TIAM1: variants seen among roughly 807,000 people sequenced by gnomAD.
The protein encoded by TIAM1 is rho guanine nucleotide exchange factor TIAM1.
A neutral mutation model predicts 163.5 loss-of-function variants in TIAM1; 65 were observed. That is an observed-to-expected ratio of 0.40 (90% CI 0.33 to 0.49). TIAM1 has a LOEUF of 0.49. TIAM1 is among the 20% of genes least tolerant of loss of function. The probability of loss-of-function intolerance (pLI) is 0.77; values close to 1 mark genes in which losing one functional copy is unlikely to be tolerated. For synonymous variants in TIAM1, 833 were observed against 810.1 expected (o/e 1.03, Z -0.48); for missense variants, 1,789 against 2,044.7 (o/e 0.87, Z 2.41).
At chr21:31,226,603 G>A (rs1010237041) in intron 6 of TIAM1, among the ~76,000 whole-genome samples, 16 of 152,180 alleles carry the variant, frequency 1.1e-4, no homozygotes, top group Non-Finnish European at 2.1e-4. Context: ...ATGGTGACCT[G>A]CATGGGATTG....
At chr21:31,501,601 T>A (rs1255977156) in intron 1 of TIAM1, among the ~76,000 whole-genome samples, 1 of 152,050 alleles carries the variant, frequency 6.6e-6, no homozygotes, top group African/African-American at 2.4e-5. Flanking sequence ...TTTGTTTGTT[T>A]GTTTGTTTGT....
intron 1 of TIAM1, among the ~76,000 whole-genome samples, chr21:31,526,865 CTCATTTTGG>C (rs1465187355): frequency 6.6e-6 from 1 of 152,092 alleles, no homozygotes; most frequent in East Asian, 1.9e-4. Context: ...CCATGCCAAG[CTCATTTTGG>C]TATTTTTAGT....
chr21:31,302,935 G>T (rs778333609), intron 2 of TIAM1, among the ~76,000 whole-genome samples: 17 of 152,180 alleles, frequency 1.1e-4, no homozygotes, highest in Non-Finnish European at 2.4e-4. Context: ...TAGTAAGGCA[G>T]ACTAGCAAAG....
At position 31,184,377 on chromosome 21, in the gene TIAM1, A is replaced by C. The variant is rs60364836; in HGVS notation, c.2663-1732T>G. On this transcript the variant is annotated intron_variant, in intron 14 of 27. Transcript: ENST00000541036. ...CACCTTGGCCTCCCAAAGTGCTGGG[A>C]TTACAGGTGTGAGCCACCGTGCCCG... Among the ~76,000 whole-genome samples the C allele has an allele frequency of 2.0e-3, 311 of 152,294 alleles. 3 individuals carry two copies. The highest frequency in any genetic ancestry group is 6.9e-3 in the African/African-American group (286 of 41,558).
chr21:31,268,449 C>T (rs1400670336), intron 3 of TIAM1, among the ~76,000 whole-genome samples: 1 of 152,228 alleles, frequency 6.6e-6, no homozygotes, highest in African/African-American at 2.4e-5. Flanking sequence ...GTTGCTGAAA[C>T]TCTCACCAGC....
intron 11 of TIAM1, among the ~76,000 whole-genome samples, chr21:31,204,511 C>A (rs975883282): frequency 6.6e-6 from 1 of 152,174 alleles, no homozygotes; most frequent in African/African-American, 2.4e-5. Flanking sequence ...TTTCTACTTA[C>A]CCCACCCTCA....
chr21:31,121,147 C>A (rs2081986437), intron 27 of TIAM1, among the ~76,000 whole-genome samples: 1 of 152,102 alleles, frequency 6.6e-6, no homozygotes, highest in East Asian at 1.9e-4. Flanking sequence ...ACTGTTCTAG[C>A]CTGTGCACCT....
At chr21:31,427,588 C>T (rs1368478021) in intron 2 of TIAM1, among the ~76,000 whole-genome samples, 1 of 151,706 alleles carries the variant, frequency 6.6e-6, no homozygotes, top group Non-Finnish European at 1.5e-5. Flanking sequence ...GCCTATAAGC[C>T]CAGTATTTTA....
intron 15 of TIAM1, among the ~76,000 whole-genome samples, chr21:31,169,430 T>C (rs1208592580): frequency 6.6e-6 from 1 of 152,096 alleles, no homozygotes; most frequent in Non-Finnish European, 1.5e-5. Flanking sequence ...AGATGTAAAT[T>C]GACGAAATGA....
chr21:31,262,906 A>C (rs955628589), intron 4 of TIAM1, among the ~76,000 whole-genome samples: 1 of 151,994 alleles, frequency 6.6e-6, no homozygotes, highest in Non-Finnish European at 1.5e-5. Flanking sequence ...AGCTCACTGG[A>C]GAGGTCCCCT....
At chr21:31,522,840 A>AT (rs965255966) in intron 1 of TIAM1, among the ~76,000 whole-genome samples, 2 of 152,136 alleles carry the variant, frequency 1.3e-5, no homozygotes, top group Admixed American at 6.5e-5. Flanking sequence ...TTAAAACAAC[A>AT]TTTTTTTCTC....
intron 2 of TIAM1, among the ~76,000 whole-genome samples, chr21:31,415,858 T>G (rs1226920195): frequency 1.3e-5 from 2 of 152,154 alleles, no homozygotes; most frequent in Non-Finnish European, 2.9e-5. Context: ...GTCTCCTCCA[T>G]GTCTCTGTCT....
At chr21:31,429,442 G>A (rs968693331) in intron 2 of TIAM1, among the ~76,000 whole-genome samples, 3 of 150,790 alleles carry the variant, frequency 2.0e-5, no homozygotes, top group Non-Finnish European at 2.9e-5. Context: ...CGTTGCACAT[G>A]GAAAAAAAAG....
chr21:31,261,688 G>A (rs541781864), intron 4 of TIAM1, among the ~76,000 whole-genome samples: 63 of 151,354 alleles, frequency 4.2e-4, no homozygotes, highest in African/African-American at 1.4e-3. Context: ...ACTCCATCCT[G>A]GGCAACAGAG....
At chr21:31,132,592 C>G (rs2082454877) in intron 23 of TIAM1, among the ~76,000 whole-genome samples, 1 of 152,232 alleles carries the variant, frequency 6.6e-6, no homozygotes, top group African/African-American at 2.4e-5. Flanking sequence ...CACCATGCCA[C>G]TGGGACCACA....
chr21:31,494,635 G>A (rs2147430013), intron 1 of TIAM1, among the ~76,000 whole-genome samples: 1 of 152,304 alleles, frequency 6.6e-6, no homozygotes, highest in South Asian at 2.1e-4. Context: ...ACACGGTCAA[G>A]AGATGGAGAC....
chr21:31,451,835 G>T (rs1418432664), intron 2 of TIAM1, among the ~76,000 whole-genome samples: 1 of 151,720 alleles, frequency 6.6e-6, no homozygotes, highest in Non-Finnish European at 1.5e-5. Context: ...TAGGAAGATG[G>T]TTTACAAAGG....
At chr21:31,264,455 G>A (rs572406027) in intron 4 of TIAM1, among the ~76,000 whole-genome samples, 1 of 152,220 alleles carries the variant, frequency 6.6e-6, no homozygotes, top group South Asian at 2.1e-4. Context: ...CAGGCACTAT[G>A]CTTCACATAT....
intron 2 of TIAM1, among the ~76,000 whole-genome samples, chr21:31,304,975 G>A (rs1425287022): frequency 2.6e-5 from 4 of 152,166 alleles, no homozygotes; most frequent in Non-Finnish European, 5.9e-5. Flanking sequence ...TTATAGGCGT[G>A]AGCCCACCAC....
Sources: allele counts gnomAD v4.1 joint callset (sites outside exome capture counted in the v4.1 genomes callset), GRCh38; gene constraint gnomAD v4.1.1; transcripts MANE v1.5; gene names NCBI Gene and HGNC (gene_info 2026-07-23, HGNC 2026-07-21).